Variants in SLC1A3 observed in about 807,000 individuals in gnomAD.
SLC1A3 encodes solute carrier family 1 member 3.
A neutral mutation model predicts 48.1 loss-of-function variants in SLC1A3; 21 were observed. The ratio of observed to expected loss-of-function variants is 0.44; its 90% CI spans 0.31 to 0.63. The LOEUF (loss-of-function observed/expected upper bound fraction) is 0.63, where lower values mean the gene tolerates loss of function less well. SLC1A3 is among the 20% of genes least tolerant of loss of function. The probability of loss-of-function intolerance (pLI) is 0.08; values close to 1 mark genes in which losing one functional copy is unlikely to be tolerated. For synonymous variants in SLC1A3, 239 were observed against 251.4 expected (o/e 0.95, Z 0.47); for missense variants, 546 against 689.0 (o/e 0.79, Z 2.32).
At chr5:36,613,888 G>GA (rs1010784944) in intron 2 of SLC1A3, among the ~76,000 whole-genome samples, 3 of 151,734 alleles carry the variant, frequency 2.0e-5, no homozygotes, top group South Asian at 2.1e-4. Context: ...TCCCCTGGGG[G>GA]AAAAAAAATA....
intron 1 of SLC1A3, among the ~76,000 whole-genome samples, chr5:36,597,240 T>C (rs1366413709): frequency 2.3e-5 from 2 of 86,712 alleles, no homozygotes; most frequent in Non-Finnish European, 4.5e-5. Flanking sequence ...TTTCTTTTTT[T>C]TTTTTTTTTT....
chr5:36,627,458 CCT>C (rs1169707093), intron 2 of SLC1A3, among the ~76,000 whole-genome samples: 1 of 151,826 alleles, frequency 6.6e-6, no homozygotes, highest in Non-Finnish European at 1.5e-5. Context: ...GTAGTCGTAT[CCT>C]CTGAGGTAGC....
chr5:36,638,497 C>G (rs148535043), intron 3 of SLC1A3, among the ~76,000 whole-genome samples: 44 of 152,302 alleles, frequency 2.9e-4, no homozygotes, highest in African/African-American at 9.9e-4. Flanking sequence ...GTAAAGTTAG[C>G]CCTATTGATC....
chr5:36,626,473 A>G (rs1739908950), intron 2 of SLC1A3, among the ~76,000 whole-genome samples: 1 of 152,210 alleles, frequency 6.6e-6, no homozygotes, highest in Non-Finnish European at 1.5e-5. Context: ...TTGTAAAACC[A>G]AGTCTGGTCT....
At chr5:36,623,982 G>C (rs1739799721) in intron 2 of SLC1A3, among the ~76,000 whole-genome samples, 1 of 152,138 alleles carries the variant, frequency 6.6e-6, no homozygotes, top group Non-Finnish European at 1.5e-5. Context: ...TTCCATGAAG[G>C]CTTTTTTCAT....
chr5:36,619,128 C>A (rs759681937), intron 2 of SLC1A3, among the ~76,000 whole-genome samples: 2 of 152,122 alleles, frequency 1.3e-5, no homozygotes, highest in Non-Finnish European at 2.9e-5. Flanking sequence ...CCACCTTCAA[C>A]AGGAAATACC....
In SLC1A3 at chr5:36,626,739, T is replaced by C. The variant is rs574109063; in HGVS notation, c.182-2711T>C. On this transcript the variant is annotated intron_variant, in intron 2 of 9. Transcript: ENST00000265113. ...TTATCTTTGTGTGACTTGGCTTTTA[T>C]GTGAGCAAGCAGGAAAAAGACAGAT... Among the ~76,000 whole-genome samples, 6 of 152,380 alleles carry C rather than the reference T, an allele frequency of 3.9e-5. No individual in the cohort carries two copies. In the East Asian group the frequency reaches 1.2e-3, roughly 29 times the overall value.
chr5:36,614,280 G>C (rs1353395462), intron 2 of SLC1A3, among the ~76,000 whole-genome samples: 1 of 152,158 alleles, frequency 6.6e-6, no homozygotes, highest in Non-Finnish European at 1.5e-5. Context: ...GCTTCAAGCT[G>C]TCATATGCAC....
Position 36,678,130 on chromosome 5 carries a change from T to C in SLC1A3, c.860+946T>C, listed in dbSNP as rs189279642. ...ATTCTTTATTTTTAATCCAGTCTCC[T>C]CTGTGGTACCTGAGGCAGGAAAGCA... On this transcript the variant is annotated intron_variant, in intron 6 of 9. Coordinates refer to ENST00000265113, the MANE Select transcript of SLC1A3 (RefSeq NM_004172.5). Among the ~76,000 whole-genome samples, 462 of 152,352 alleles carry C rather than the reference T, an allele frequency of 3.0e-3. 3 individuals are homozygous for C. Among genetic ancestry groups the C allele is most frequent in the African/African-American group, 0.01 (436 of 41,580 alleles).
intron 3 of SLC1A3, chr5:36,667,686 T>C (rs1269818402): frequency 6.6e-6 from 1 of 152,152 alleles, no homozygotes; most frequent in African/African-American, 2.4e-5. Context: ...AGCGAGTGAG[T>C]CTTTGGACCA....
intron 1 of SLC1A3, among the ~76,000 whole-genome samples, chr5:36,598,327 C>A (rs1738767526): frequency 6.6e-6 from 1 of 152,172 alleles, no homozygotes; most frequent in African/African-American, 2.4e-5. Flanking sequence ...TGGCATGGTG[C>A]CTGACACATA....
intron 3 of SLC1A3, among the ~76,000 whole-genome samples, chr5:36,644,876 G>C (rs751522966): frequency 1.6e-4 from 24 of 152,190 alleles, no homozygotes; most frequent in Non-Finnish European, 3.2e-4. Flanking sequence ...TGAGGTGGTT[G>C]GTGGTGAGGG....
At chr5:36,597,043 T>TTTTGC (rs1388699339) in intron 1 of SLC1A3, among the ~76,000 whole-genome samples, 29 of 152,196 alleles carry the variant, frequency 1.9e-4, no homozygotes, top group African/African-American at 6.5e-4. Context: ...TTTTGTTTTG[T>TTTTGC]TTTGCTTTGC....
chr5:36,638,771 G>A (rs1428228259), intron 3 of SLC1A3: 4 of 152,258 alleles, frequency 2.6e-5, no homozygotes, highest in African/African-American at 9.7e-5. Context: ...GTGTTCAAGG[G>A]ATTCTCCTGC....
At position 36,688,202 on chromosome 5, in the gene SLC1A3, G is replaced by A. The variant is rs1323272131; in HGVS notation, c.*1933G>A. 2 of 152,124 alleles carry A rather than the reference G, an allele frequency of 1.3e-5. No homozygotes were observed. Among genetic ancestry groups the A allele is most frequent in the Non-Finnish European group, 1.5e-5 (1 of 68,046 alleles). The allele number at this position is 152,124 out of a possible 1,614,324, so 9.4% of individuals were successfully genotyped here. A position where few individuals can be genotyped will look rare whatever the true frequency, so the allele number is the denominator to read the frequency against. On this transcript the variant is annotated 3_prime_UTR_variant, in exon 10 of 10. Coordinates refer to ENST00000265113, the MANE Select transcript of SLC1A3 (RefSeq NM_004172.5). ...TTTTAATATACTAACCATTTCTTATGGAAAGGTCCTGTGGGGAGCCCATCC... is the reference window on the plus strand; with the variant it reads ...TTTTAATATACTAACCATTTCTTATAGAAAGGTCCTGTGGGGAGCCCATCC...
At chr5:36,597,538 G>A (rs1738759626) in intron 1 of SLC1A3, among the ~76,000 whole-genome samples, 1 of 151,982 alleles carries the variant, frequency 6.6e-6, no homozygotes, top group African/African-American at 2.4e-5. Context: ...CACCGCGCCC[G>A]GCCCAAAAAC....
At chr5:36,676,133 G>A (rs145837323) in intron 5 of SLC1A3, among the ~76,000 whole-genome samples, 57 of 152,300 alleles carry the variant, frequency 3.7e-4, no homozygotes, top group African/African-American at 1.3e-3. Context: ...ACTTGGAGAA[G>A]ATGAGCTGTC....
intron 1 of SLC1A3, among the ~76,000 whole-genome samples, chr5:36,598,013 C>A (rs573141513): frequency 7.9e-4 from 121 of 152,226 alleles, no homozygotes; most frequent in Non-Finnish European, 1.4e-3. Context: ...TTTTGCCCCA[C>A]CTTCTGTATC....
intron 8 of SLC1A3, among the ~76,000 whole-genome samples, chr5:36,682,110 A>G (rs1229076009): frequency 6.6e-6 from 1 of 152,236 alleles, no homozygotes; most frequent in Non-Finnish European, 1.5e-5. Context: ...AATCTTAAAC[A>G]TACTTCCAGA....
Sources: gnomAD v4.1 joint callset for allele counts (sites outside exome capture counted in the v4.1 genomes callset) on GRCh38, gnomAD v4.1.1 for gene constraint, MANE v1.5 for transcripts, NCBI Gene and HGNC (gene_info 2026-07-23, HGNC 2026-07-21) for gene names.